Variants in CSMD1 observed in about 807,000 individuals in gnomAD.
CSMD1 encodes CUB and Sushi multiple domains 1, also known as CUB and sushi domain-containing protein 1.
CSMD1 carries 213 observed loss-of-function variants against 417.5 expected under a neutral mutation model. The observed-to-expected ratio is 0.51, with a 90% confidence interval of 0.46 to 0.57. The LOEUF is 0.57. CSMD1 is among the 20% of genes least tolerant of loss of function. CSMD1 has a pLI of 0.00. For synonymous variants in CSMD1, 2,862 were observed against 1,736.8 expected, an observed-to-expected ratio of 1.65 and a Z score of -16.11; for missense variants, 6,923 against 4,529.7, an observed-to-expected ratio of 1.53 and a Z score of -15.17.
intron 4 of CSMD1, among the ~76,000 whole-genome samples, chr8:4,020,214 G>C (rs761946871): frequency 6.6e-6 from 1 of 152,182 alleles, no homozygotes; most frequent in Non-Finnish European, 1.5e-5. Context: ...CTTGAGGCCA[G>C]ACAGATTAAA....
At chr8:3,560,928 CGTT>C (rs1563155176) in intron 10 of CSMD1, among the ~76,000 whole-genome samples, 1 of 152,120 alleles carries the variant, frequency 6.6e-6, no homozygotes, top group Non-Finnish European at 1.5e-5. Flanking sequence ...AGACGCCTCA[CGTT>C]GTATTTAGAA....
intron 1 of CSMD1, among the ~76,000 whole-genome samples, chr8:4,958,986 G>T (rs1385426999): frequency 6.6e-6 from 1 of 152,142 alleles, no homozygotes; most frequent in South Asian, 2.1e-4. Flanking sequence ...AACAAGAAAC[G>T]TGAAAACTTA....
At chr8:4,178,859 C>G (rs906811723) in intron 3 of CSMD1, among the ~76,000 whole-genome samples, 1 of 152,094 alleles carries the variant, frequency 6.6e-6, no homozygotes, top group African/African-American at 2.4e-5. Context: ...ACTTAGAAAT[C>G]CAACTTACAA....
At chr8:2,952,224 T>G (rs867119276) in intron 65 of CSMD1, among the ~76,000 whole-genome samples, 27 of 152,328 alleles carry the variant, frequency 1.8e-4, no homozygotes, top group Middle Eastern at 3.4e-3. Context: ...TAAGCATAAT[T>G]GGTCAAAACA....
At chr8:4,207,061 C>G (rs1800021080) in intron 3 of CSMD1, among the ~76,000 whole-genome samples, 1 of 152,040 alleles carries the variant, frequency 6.6e-6, no homozygotes, top group Non-Finnish European at 1.5e-5. Context: ...TTTACATTTG[C>G]AAGAGGTGTA....
intron 2 of CSMD1, among the ~76,000 whole-genome samples, chr8:4,467,370 A>G (rs1391644948): frequency 6.6e-6 from 1 of 152,112 alleles, no homozygotes; most frequent in Non-Finnish European, 1.5e-5. Context: ...GGATCAATTC[A>G]AATGTCCTCA....
chr8:4,691,821 A>C lies in CSMD1; in HGVS notation c.86-54263T>G, dbSNP rs567395979. ...TGTTCAAATCTAACCACAGCAGATA[A>C]AGTCGAAGAGGTTTTAATGGGCCAG... On this transcript the variant is annotated intron_variant, in intron 1 of 69. Transcript: ENST00000635120. Among the ~76,000 whole-genome samples the C allele has an allele frequency of 1.3e-5, 2 of 152,350 alleles. 1 individual carries two copies. The highest frequency in any genetic ancestry group is 4.1e-4 in the South Asian group (2 of 4,824).
intron 21 of CSMD1, among the ~76,000 whole-genome samples, chr8:3,355,164 A>G (rs1404068894): frequency 1.3e-5 from 2 of 151,312 alleles, no homozygotes; most frequent in Non-Finnish European, 2.9e-5. Context: ...CAGTTAATCA[A>G]TAAGAGGATA....
intron 1 of CSMD1, among the ~76,000 whole-genome samples, chr8:4,815,468 G>A (rs1238723411): frequency 6.6e-6 from 1 of 151,976 alleles, no homozygotes; most frequent in Non-Finnish European, 1.5e-5. Flanking sequence ...GGCTGAGGTG[G>A]GAGCATCACA....
At chr8:3,720,899 T>C (rs1802125448) in intron 6 of CSMD1, among the ~76,000 whole-genome samples, 1 of 151,972 alleles carries the variant, frequency 6.6e-6, no homozygotes, top group Non-Finnish European at 1.5e-5. Flanking sequence ...GCATGCAACC[T>C]CCGCTTCCCG....
At chr8:4,181,323 A>G (rs1798358849) in intron 3 of CSMD1, among the ~76,000 whole-genome samples, 1 of 152,144 alleles carries the variant, frequency 6.6e-6, no homozygotes. Flanking sequence ...ATATATATCC[A>G]TGCTAAAAGA....
chr8:4,114,504 C>T (rs1802028143), intron 3 of CSMD1, among the ~76,000 whole-genome samples: 1 of 152,178 alleles, frequency 6.6e-6, no homozygotes, highest in Non-Finnish European at 1.5e-5. Flanking sequence ...ATAAAATATC[C>T]ATTCTGCAGC....
chr8:3,463,333 G>C (rs1442248390), intron 12 of CSMD1, among the ~76,000 whole-genome samples: 1 of 152,138 alleles, frequency 6.6e-6, no homozygotes, highest in Non-Finnish European at 1.5e-5. Context: ...ATAGACTTAA[G>C]TCAAGCCCTT....
intron 9 of CSMD1, among the ~76,000 whole-genome samples, chr8:3,582,786 A>G (rs1461272980): frequency 6.6e-6 from 1 of 152,166 alleles, no homozygotes; most frequent in Non-Finnish European, 1.5e-5. Flanking sequence ...GGTTAAATAA[A>G]ATGTTATTAC....
intron 2 of CSMD1, among the ~76,000 whole-genome samples, chr8:4,488,513 C>T (rs904147102): frequency 4.6e-5 from 7 of 152,126 alleles, no homozygotes; most frequent in Non-Finnish European, 8.8e-5. Context: ...CTGAATCAAA[C>T]ATTGGATTTC....
At chr8:4,293,615 C>A (rs1797499632) in intron 3 of CSMD1, among the ~76,000 whole-genome samples, 1 of 152,140 alleles carries the variant, frequency 6.6e-6, no homozygotes, top group South Asian at 2.1e-4. Context: ...AGCAATACTG[C>A]AATCGTGTAT....
chr8:3,759,566 G>T (rs1797871729), intron 5 of CSMD1, among the ~76,000 whole-genome samples: 1 of 151,928 alleles, frequency 6.6e-6, no homozygotes, highest in Non-Finnish European at 1.5e-5. Context: ...AAATGGGCAT[G>T]AACAGAGACA....
chr8:3,774,352 G>A (rs780483003), intron 5 of CSMD1, among the ~76,000 whole-genome samples: 14 of 152,038 alleles, frequency 9.2e-5, no homozygotes, highest in African/African-American at 1.9e-4. Flanking sequence ...ATCATATGGC[G>A]GTTGTTTGGA....
chr8:4,802,949 G>C (rs1382189893), intron 1 of CSMD1, among the ~76,000 whole-genome samples: 1 of 152,094 alleles, frequency 6.6e-6, no homozygotes, highest in Non-Finnish European at 1.5e-5. Context: ...CTTAGTGCTG[G>C]CTTCTACAAG....
Sources: allele counts gnomAD v4.1 joint callset (sites outside exome capture counted in the v4.1 genomes callset), GRCh38; gene constraint gnomAD v4.1.1; transcripts MANE v1.5; gene names NCBI Gene and HGNC (gene_info 2026-07-23, HGNC 2026-07-21).